RABGEF1: variants seen among roughly 807,000 people sequenced by gnomAD.
RABGEF1 encodes RAB guanine nucleotide exchange factor 1.
A neutral mutation model predicts 57.3 loss-of-function variants in RABGEF1; 26 were observed. That is an observed-to-expected ratio of 0.45 (90% confidence interval 0.33 to 0.63). The LOEUF (loss-of-function observed/expected upper bound fraction) is 0.63, where lower values mean the gene tolerates loss of function less well. Ranked by LOEUF, RABGEF1 falls within the 20% of genes least tolerant of loss-of-function variation. The pLI is 0.02. For missense variants in RABGEF1, 464 were observed against 607.6 expected (o/e 0.76, Z 2.48); for synonymous variants, 185 against 210.7 (o/e 0.88, Z 1.06).
intron 3 of RABGEF1, among the ~76,000 whole-genome samples, chr7:66,776,299 A>G (rs1440022673): frequency 2.6e-5 from 4 of 152,208 alleles, no homozygotes; most frequent in African/African-American, 9.7e-5. Flanking sequence ...TTACTTCTTA[A>G]GATACTTGCT....
At chr7:66,787,368 G>C (rs1290212035) in intron 4 of RABGEF1, among the ~76,000 whole-genome samples, 1 of 119,212 alleles carries the variant, frequency 8.4e-6, no homozygotes. Context: ...TTTTAAGATA[G>C]AGTCTTGCTC....
chr7:66,664,015 A>G, the RABGEF1 span, among the ~76,000 whole-genome samples: 1 of 149,358 alleles, frequency 6.7e-6, no homozygotes, highest in South Asian at 2.2e-4. Flanking sequence ...TGGAGGTTGC[A>G]GTGAGCCAAG....
the RABGEF1 span, among the ~76,000 whole-genome samples, chr7:66,658,920 G>A: frequency 3.3e-5 from 5 of 151,812 alleles, no homozygotes; most frequent in Admixed American, 1.3e-4. Context: ...TATTTTTAGC[G>A]GAGACGGGGT....
intron 1 of RABGEF1, among the ~76,000 whole-genome samples, chr7:66,685,378 G>C (rs948388616): frequency 3.9e-5 from 6 of 152,090 alleles, no homozygotes; most frequent in Non-Finnish European, 8.8e-5. Flanking sequence ...AGTGAGGCCA[G>C]GCATGTTGGC....
upstream of RABGEF1, among the ~76,000 whole-genome samples, chr7:66,735,918 C>T (rs1797894127): frequency 6.6e-6 from 1 of 152,104 alleles, no homozygotes. Flanking sequence ...CTCACACATT[C>T]AGAACAAATT....
In RABGEF1 at chr7:66,809,016, C is replaced by A; in HGVS notation, c.1208C>A (p.Ala403Asp). The A allele has an allele frequency of 6.2e-7, 1 of 1,614,160 alleles. No homozygotes were observed. Among genetic ancestry groups the A allele is most frequent in the South Asian group, 1.1e-5 (1 of 91,084 alleles). ...KQEAESWSPD[A>D]CLGVKQMYKN... is the part of the protein sequence containing the mutation. ...GAAGCTGAGAGTTGGTCTCCTGATG[C>A]TTGCTTAGGCGTCAAGCAAATGTAT... is the stretch of plus-strand genomic sequence containing the variant. Residue 403 changes from alanine (A) to aspartate (D), a missense_variant, in exon 9 of 9, where the codon GCT becomes GAT. Ala to Asp is a moderately radical substitution (Grantham distance 126). Coordinates refer to ENST00000284957, the MANE Select transcript of RABGEF1 (RefSeq NM_014504.3).
chr7:66,794,789 C>T (rs1463969651), intron 4 of RABGEF1, among the ~76,000 whole-genome samples: 1 of 152,028 alleles, frequency 6.6e-6, no homozygotes, highest in African/African-American at 2.4e-5. Context: ...ACCTACAGTG[C>T]ACAACAGTGA....
chr7:66,683,469 G>A (rs1477624044), intron 1 of RABGEF1, among the ~76,000 whole-genome samples: 2 of 152,194 alleles, frequency 1.3e-5, no homozygotes, highest in Non-Finnish European at 2.9e-5. Context: ...GTCAGTTTCT[G>A]CTCTCTAGAA....
At chr7:66,751,986 C>T (rs965773362) in intron 1 of RABGEF1, among the ~76,000 whole-genome samples, 1 of 151,616 alleles carries the variant, frequency 6.6e-6, no homozygotes, top group Non-Finnish European at 1.5e-5. Context: ...CACTTGAGCC[C>T]AGGACTTCAA....
intron 1 of RABGEF1, among the ~76,000 whole-genome samples, chr7:66,700,122 G>C (rs1231886537): frequency 6.6e-6 from 1 of 152,194 alleles, no homozygotes; most frequent in Non-Finnish European, 1.5e-5. Context: ...CTGAGGCTTG[G>C]GTGAAGGGAG....
intron 1 of RABGEF1, among the ~76,000 whole-genome samples, chr7:66,695,656 C>T (rs1792215750): frequency 1.3e-5 from 2 of 151,636 alleles, no homozygotes; most frequent in Admixed American, 1.3e-4. Context: ...TGGCTCACGC[C>T]TATAATCCCA....
intron 7 of RABGEF1, 106 bp downstream of exon 7, chr7:66,799,520 C>A: frequency 1.1e-6 from 1 of 897,772 alleles, no homozygotes; most frequent in Non-Finnish European, 1.7e-6. Flanking sequence ...GTCGAAGGTA[C>A]ATTGGAATGT....
intron 1 of RABGEF1, among the ~76,000 whole-genome samples, chr7:66,689,726 C>T (rs572167762): frequency 2.2e-4 from 33 of 151,238 alleles, no homozygotes; most frequent in Admixed American, 1.1e-3. Context: ...CACTTGAACC[C>T]GGGAGGCGGA....
intron 2 of RABGEF1, among the ~76,000 whole-genome samples, chr7:66,734,597 ATTTTTT>A (rs550927387): frequency 8.4e-6 from 1 of 119,750 alleles, no homozygotes; most frequent in Admixed American, 8.4e-5. Context: ...TGCCTGGCTA[ATTTTTT>A]TTTTTTTTTT....
chr7:66,729,556 A>G (rs1562745176), intron 2 of RABGEF1, among the ~76,000 whole-genome samples: 1 of 150,474 alleles, frequency 6.6e-6, no homozygotes. Flanking sequence ...CCTCACCTTC[A>G]TCCTTACTTC....
intron 3 of RABGEF1, among the ~76,000 whole-genome samples, chr7:66,782,985 T>C (rs1172988256): frequency 6.6e-6 from 1 of 152,188 alleles, no homozygotes; most frequent in Non-Finnish European, 1.5e-5. Context: ...ATGTCTCTTG[T>C]GTAAATGTCC....
intron 1 of RABGEF1, among the ~76,000 whole-genome samples, chr7:66,687,414 C>T (rs1335030568): frequency 6.6e-6 from 1 of 151,196 alleles, no homozygotes; most frequent in African/African-American, 2.4e-5. Context: ...GCATGAGCCA[C>T]CGCGCCCAGC....
upstream of RABGEF1, among the ~76,000 whole-genome samples, chr7:66,736,617 G>A (rs1355555798): frequency 1.3e-5 from 2 of 152,138 alleles, no homozygotes; most frequent in Non-Finnish European, 2.9e-5. Flanking sequence ...CTTGGCAGGT[G>A]ATGAGGGTGA....
chr7:66,666,310 G>C, the RABGEF1 span: 1 of 152,178 alleles, frequency 6.6e-6, no homozygotes, highest in Non-Finnish European at 1.5e-5. Context: ...CATATCACCC[G>C]AGGAGTCCCA....
Sources: gnomAD v4.1 joint callset for allele counts (sites outside exome capture counted in the v4.1 genomes callset) on GRCh38, gnomAD v4.1.1 for gene constraint, MANE v1.5 for transcripts, NCBI Gene and HGNC (gene_info 2026-07-23, HGNC 2026-07-21) for gene names.